The following UMODL1 variants were observed in gnomAD, a reference collection of about 807,000 sequenced individuals.
UMODL1 encodes uromodulin like 1.
Under a neutral mutation model 136.3 loss-of-function variants are expected in UMODL1, and 128 were observed. That is an observed-to-expected ratio of 0.94 (90% CI 0.81 to 1.09). The LOEUF is 1.09. Among genes scored for constraint, UMODL1 ranks in the 50% least tolerant of loss-of-function variants. The pLI is 0.00. For missense variants in UMODL1, 1,766 were observed against 1,725.6 expected (o/e 1.02, Z -0.41); for synonymous variants, 721 against 720.0 (o/e 1.00, Z -0.02).
rs1387302146 is a variant in UMODL1 at position 42,142,555 on chromosome 21, G to C, written c.*481G>C. 6.6e-6 allele frequency: 1 copy of C among 152,228 alleles called. No individual in the cohort carries two copies. The highest frequency in any genetic ancestry group is 2.4e-5 in the African/African-American group (1 of 41,454). 9.4% of individuals were successfully genotyped at this position (152,228 alleles called of 1,614,324 possible). On this transcript the variant is annotated 3_prime_UTR_variant, in exon 23 of 23. Coordinates refer to ENST00000408910, the MANE Select transcript of UMODL1 (RefSeq NM_001004416.3). Reference sequence around the variant, plus strand: ...AGAGAGACCCGACCGCGCTCTTGATGCTCTTTCGAAAATAGGTCAGTCTTA... The same window carrying C: ...AGAGAGACCCGACCGCGCTCTTGATCCTCTTTCGAAAATAGGTCAGTCTTA...
rs189665218 is a variant in UMODL1, at chr21:42,142,726, G to A, written c.*652G>A. 11 of 152,276 alleles carry A rather than the reference G, an allele frequency of 7.2e-5. No homozygotes were observed. The highest frequency in any genetic ancestry group is 3.3e-4 in the Admixed American group (5 of 15,300). The allele number at this position is 152,276 out of a possible 1,614,324, so 9.4% of individuals were successfully genotyped here. A position where few individuals can be genotyped will look rare whatever the true frequency, so the allele number is the denominator to read the frequency against. The stretch of plus-strand genomic sequence containing the variant: ...AACCTTTTCAATAAGCAGAAATAAC[G>A]TAGGTACACATCACTCTTTACATTT... On this transcript the variant is annotated 3_prime_UTR_variant, in exon 23 of 23. Coordinates refer to ENST00000408910, the MANE Select transcript of UMODL1 (RefSeq NM_001004416.3).
chr21:42,141,951 G>A (rs990997817), intron 22 of UMODL1, 145 bp from the exon 23 acceptor site: 2 of 152,232 alleles, frequency 1.3e-5, no homozygotes, highest in African/African-American at 2.4e-5. Context: ...TTTCATTAGG[G>A]GCTTGATCTG....
chr21:42,090,989 A>T (rs1445229373), intron 6 of UMODL1, among the ~76,000 whole-genome samples: 1 of 152,212 alleles, frequency 6.6e-6, no homozygotes, highest in Non-Finnish European at 1.5e-5. Context: ...GAAAAGGGTG[A>T]AGGCATTTTT....
chr21:42,084,464 G>A lies in UMODL1; in HGVS notation c.481+219G>A, dbSNP rs528512520. On this transcript the variant is annotated intron_variant, in intron 3 of 22. Coordinates refer to ENST00000408910, the MANE Select transcript of UMODL1 (RefSeq NM_001004416.3). ...GGGGAGAAATCTCATGGCGCTCTTA[G>A]GGGCCCTGAAATGGGAAGACACTTC... is the stretch of plus-strand genomic sequence containing the variant. Among the ~76,000 whole-genome samples the A allele has an allele frequency of 2.6e-5, 4 of 152,302 alleles. No homozygotes were observed. In the South Asian group the frequency reaches 6.2e-4, roughly 24 times the overall value.
At chr21:42,111,956 C>T (rs933176461) in intron 12 of UMODL1, among the ~76,000 whole-genome samples, 1 of 152,138 alleles carries the variant, frequency 6.6e-6, no homozygotes, top group African/African-American at 2.4e-5. Context: ...TCCCTGTCTG[C>T]AGCAGCTGGG....
chr21:42,080,069 T>C (rs535515158), intron 2 of UMODL1, among the ~76,000 whole-genome samples: 1 of 152,354 alleles, frequency 6.6e-6, no homozygotes, highest in Non-Finnish European at 1.5e-5. Context: ...GACACCATGC[T>C]GGTGGTGTGA....
chr21:42,134,486 C>G lies in UMODL1; in HGVS notation c.3776-2953C>G, dbSNP rs906131147. On this transcript the variant is annotated intron_variant, in intron 21 of 22. Transcript: ENST00000408910. The stretch of plus-strand genomic sequence containing the variant: ...ATGTCCCAGCAGGAAGGGCCTGGAG[C>G]AATTACTGTAGCTGCTCAGCAGTGA... Among the ~76,000 whole-genome samples the G allele has an allele frequency of 1.3e-4, 20 of 152,300 alleles. No individual in the cohort carries two copies. The East Asian group carries it at 3.9e-3, about 29-fold the overall frequency.
At chr21:42,075,105 A>G (rs1169079447) in intron 1 of UMODL1, among the ~76,000 whole-genome samples, 1 of 151,938 alleles carries the variant, frequency 6.6e-6, no homozygotes, top group Non-Finnish European at 1.5e-5. Context: ...TCACCATGTT[A>G]GCCAGGGTGG....
intron 6 of UMODL1, among the ~76,000 whole-genome samples, chr21:42,097,396 C>T (rs2146465204): frequency 1.3e-5 from 2 of 152,252 alleles, no homozygotes; most frequent in Middle Eastern, 6.8e-3. Context: ...AGCTCAGTCT[C>T]AGGTTGGAAG....
At chr21:42,066,058 C>T (rs912667511) in intron 1 of UMODL1, among the ~76,000 whole-genome samples, 3 of 152,222 alleles carry the variant, frequency 2.0e-5, no homozygotes, top group South Asian at 2.1e-4. Flanking sequence ...GGTGCTAATG[C>T]GGTTATCAAT....
chr21:42,131,869 A>G (rs1019608739), intron 21 of UMODL1, among the ~76,000 whole-genome samples: 1 of 152,216 alleles, frequency 6.6e-6, no homozygotes, highest in Non-Finnish European at 1.5e-5. Context: ...ATTTCCTGGG[A>G]AGAACGGGTC....
At chr21:42,086,717 G>A (rs1284481485) in intron 4 of UMODL1, 1 of 441,056 alleles carries the variant, frequency 2.3e-6, no homozygotes, top group Non-Finnish European at 4.6e-6. Context: ...TGTAATCCCA[G>A]CACTTTGGGA....
At chr21:42,095,495 C>T (rs112464944) in intron 6 of UMODL1, among the ~76,000 whole-genome samples, 116,415 of 151,618 alleles carry the variant, frequency 0.77, 45,010 homozygotes, top group East Asian at 0.89. Context: ...TAAATCCCCC[C>T]GATTCTCTTT....
In UMODL1 at chr21:42,122,504, G is replaced by A. The variant is rs928709332; in HGVS notation, c.2828-327G>A. On this transcript the variant is annotated intron_variant, in intron 16 of 22. Transcript: ENST00000408910. The surrounding 1 kb of genome is among the most constrained non-coding windows in gnomAD (Gnocchi z 4.3). ...GCCCTCGGGGGCCCATGGTGAGCCT[G>A]GATCCCTGAGCTGGTGGAAATGTGC... Among the ~76,000 whole-genome samples the A allele has an allele frequency of 1.3e-5, 2 of 152,224 alleles. No individual in the cohort carries two copies. Among genetic ancestry groups the A allele is most frequent in the Admixed American group, 6.5e-5 (1 of 15,290 alleles).
intron 21 of UMODL1, among the ~76,000 whole-genome samples, chr21:42,135,016 A>G (rs984195622): frequency 6.6e-6 from 1 of 152,202 alleles, no homozygotes; most frequent in Non-Finnish European, 1.5e-5. Flanking sequence ...TGCTGCACCC[A>G]TCAACCCATC....
Position 42,127,046 on chromosome 21 carries a change from T to G in UMODL1, c.3334T>G (p.Phe1112Val), listed in dbSNP as rs2067065953. The change falls in exon 19 of 23, where the codon TTT (phenylalanine) becomes GTT (valine). Residue 1112 changes from phenylalanine (F) to valine (V), a missense_variant. By Grantham distance (50) the Phe-to-Val change is conservative. Transcript: ENST00000408910. ...CGAGGACCTCCACGGCGCTGGGAAT[T>G]TTGTTACCGAAATGCAGTTGTTTAT... ...IIEDLHGAGNFVTEMQLFIGD... is the reference protein window; with the variant it reads ...IIEDLHGAGNVVTEMQLFIGD... 6.2e-7 allele frequency: 1 copy of G among 1,614,006 alleles called. No individual in the cohort carries two copies. The highest frequency in any genetic ancestry group is 8.5e-7 in the Non-Finnish European group (1 of 1,180,018).
At chr21:42,104,321 AGGGGAAAGG>A (rs559832632) in intron 9 of UMODL1, among the ~76,000 whole-genome samples, 188 of 152,304 alleles carry the variant, frequency 1.2e-3, no homozygotes, top group Non-Finnish European at 2.2e-3. Context: ...AGGTACCCTC[AGGGGAAAGG>A]GACAGGAGTT....
At chr21:42,095,087 C>CTGG (rs1199662224) in intron 6 of UMODL1, among the ~76,000 whole-genome samples, 3 of 34,046 alleles carry the variant, frequency 8.8e-5, no homozygotes, top group Non-Finnish European at 2.2e-4. Context: ...TTTTCTTCTG[C>CTGG]TGTTTTTTTT....
rs550893387 is a variant in UMODL1 at position 42,085,427 on chromosome 21, C to T, written c.603+15C>T. Reference sequence around the variant, plus strand: ...TGCATTCCTTGGTAGGTGAGACAGACGGGGGCTGCCTGCACCCTCCTTGTG... The same window carrying T: ...TGCATTCCTTGGTAGGTGAGACAGATGGGGGCTGCCTGCACCCTCCTTGTG... On this transcript the variant is annotated intron_variant, in intron 4 of 22. Coordinates refer to ENST00000408910, the MANE Select transcript of UMODL1 (RefSeq NM_001004416.3). This position sits in a 1 kb window ranked among gnomAD's most constrained non-coding sequence, Gnocchi z 4.5. The T allele has an allele frequency of 3.4e-5, 55 of 1,613,458 alleles. No individual in the cohort carries two copies. The highest frequency in any genetic ancestry group is 4.4e-5 in the South Asian group (4 of 91,066).
Sources: gnomAD v4.1 joint callset for allele counts (sites outside exome capture counted in the v4.1 genomes callset) on GRCh38, gnomAD v4.1.1 for gene constraint, Gnocchi (gnomAD v3.1) non-coding constraint, MANE v1.5 for transcripts, NCBI Gene and HGNC (gene_info 2026-07-23, HGNC 2026-07-21) for gene names.